The following PPFIBP2 variants were observed in gnomAD, a reference collection of about 807,000 sequenced individuals.
The protein encoded by PPFIBP2 is PPFIB scaffold protein 2.
In PPFIBP2, 118 loss-of-function variants were observed where a neutral mutation model predicts 118.3. The ratio of observed to expected loss-of-function variants is 1.00; its 90% CI spans 0.86 to 1.16. PPFIBP2 has a LOEUF of 1.16. PPFIBP2 is among the 50% of genes most tolerant of loss of function. PPFIBP2 has a pLI of 0.00. For missense variants in PPFIBP2, 1,195 were observed against 1,073.1 expected (o/e 1.11, Z -1.59); for synonymous variants, 414 against 397.4 (o/e 1.04, Z -0.50).
chr11:7,635,321 G>A (rs963819740), intron 13 of PPFIBP2, among the ~76,000 whole-genome samples: 3 of 152,176 alleles, frequency 2.0e-5, no homozygotes, highest in African/African-American at 4.8e-5. Flanking sequence ...CCATGGTCAC[G>A]TGTCTCTCGG....
chr11:7,621,087 A>G (rs1849298370), intron 7 of PPFIBP2, 60 bp downstream of exon 7: 3 of 1,365,636 alleles, frequency 2.2e-6, no homozygotes, highest in South Asian at 1.2e-5. Flanking sequence ...GAGGGTCTGC[A>G]TTCCAACTTG....
Position 7,653,302 on chromosome 11 carries a change from C to T in PPFIBP2, c.*84C>T, listed in dbSNP as rs779813954. 6.3e-7 allele frequency: 1 copy of T among 1,580,454 alleles called. No homozygotes were observed. The highest frequency in any genetic ancestry group is 1.1e-5 in the South Asian group (1 of 87,080). ...ACCATATAACTGCACCTCACCCCCG[C>T]ACGTGTGCATGACTCGCAGAGAATA... On this transcript the variant is annotated 3_prime_UTR_variant, in exon 24 of 24. Transcript: ENST00000299492.
intron 1 of PPFIBP2, among the ~76,000 whole-genome samples, chr11:7,545,566 A>G (rs868791887): frequency 1.3e-5 from 2 of 152,328 alleles, no homozygotes; most frequent in South Asian, 4.1e-4. Context: ...ATTAAACTTC[A>G]TCAGAGGTCT....
chr11:7,656,572 C>T (rs1055962467), downstream of PPFIBP2, among the ~76,000 whole-genome samples: 2 of 152,192 alleles, frequency 1.3e-5, no homozygotes, highest in Non-Finnish European at 2.9e-5. Context: ...TTTATTCTGA[C>T]CCAATACTCA....
chr11:7,519,903 G>C (rs1342005301), intron 1 of PPFIBP2, among the ~76,000 whole-genome samples: 2 of 152,148 alleles, frequency 1.3e-5, no homozygotes, highest in Non-Finnish European at 2.9e-5. Flanking sequence ...GGTTCCCGGG[G>C]AAGCTTACCA....
chr11:7,617,235 G>A lies in PPFIBP2; in HGVS notation c.619-3700G>A, dbSNP rs75292726. ...CCACCCTGAGGAGGTGGCGGCCAGC[G>A]ACGGTGTGGCCGAGCCCCAGCCCTG... On this transcript the variant is annotated intron_variant, in intron 6 of 23. Transcript: ENST00000299492. 5.8e-3 allele frequency: 5,678 copies of A among 985,438 alleles called. 27 individuals are homozygous for A. Among genetic ancestry groups the A allele is most frequent in the Non-Finnish European group, 6.3e-3 (5,269 of 829,928 alleles). The allele number at this position is 985,438 out of a possible 1,614,324, so 61.0% of individuals were successfully genotyped here.
intron 3 of PPFIBP2, chr11:7,568,830 C>T (rs1462682854): frequency 6.6e-6 from 1 of 152,196 alleles, no homozygotes; most frequent in African/African-American, 2.4e-5. Context: ...GCGAAGTCCT[C>T]CAGATCAATG....
intron 8 of PPFIBP2, 21 bp from the exon 9 acceptor site, chr11:7,628,264 T>A: frequency 6.2e-7 from 1 of 1,602,208 alleles, no homozygotes; most frequent in Non-Finnish European, 8.5e-7. Context: ...AATAATTATT[T>A]CTATACCTGA....
At chr11:7,597,945 G>A (rs1403765497) in intron 5 of PPFIBP2, 2 of 367,478 alleles carry the variant, frequency 5.4e-6, no homozygotes, top group Non-Finnish European at 5.0e-6. Flanking sequence ...CTCCAGACCT[G>A]GTGCAGTGAG....
chr11:7,597,854 C>T (rs894491777), intron 5 of PPFIBP2, 181 bp downstream of exon 5: 1 of 578,282 alleles, frequency 1.7e-6, no homozygotes, highest in Non-Finnish European at 3.1e-6. Context: ...TTGAGAGTGG[C>T]AGAGGGGGTA....
intron 3 of PPFIBP2, among the ~76,000 whole-genome samples, chr11:7,583,295 G>A (rs924894511): frequency 2.0e-5 from 3 of 152,060 alleles, no homozygotes; most frequent in Non-Finnish European, 4.4e-5. Flanking sequence ...CCTTACTTTG[G>A]CTCTTGCCTA....
intron 1 of PPFIBP2, among the ~76,000 whole-genome samples, chr11:7,534,962 C>T (rs1851068442): frequency 6.6e-6 from 1 of 152,246 alleles, no homozygotes; most frequent in African/African-American, 2.4e-5. Context: ...TGCATCACTA[C>T]AGGCCCTGAT....
At chr11:7,645,339 T>C (rs956670246) in intron 17 of PPFIBP2, among the ~76,000 whole-genome samples, 4 of 152,146 alleles carry the variant, frequency 2.6e-5, no homozygotes, top group Admixed American at 2.6e-4. Context: ...CTTCCCATTG[T>C]GCCGATTCGC....
At chr11:7,577,352 T>A in intron 3 of PPFIBP2, 1 of 316,956 alleles carries the variant, frequency 3.2e-6, no homozygotes, top group Non-Finnish European at 6.2e-6. Flanking sequence ...TGTGTGTGTG[T>A]TTGTTGGGGT....
At chr11:7,518,926 G>A in intron 1 of PPFIBP2, among the ~76,000 whole-genome samples, 1 of 152,236 alleles carries the variant, frequency 6.6e-6, no homozygotes, top group African/African-American at 2.4e-5. Context: ...AGGGTTTGAA[G>A]GGGAAAGGGG....
chr11:7,648,471 C>A lies in PPFIBP2; in HGVS notation c.1731C>A (p.Ile577=). 3 of 1,614,074 alleles carry A rather than the reference C, an allele frequency of 1.9e-6. No homozygotes were observed. Among genetic ancestry groups the A allele is most frequent in the Non-Finnish European group, 2.5e-6 (3 of 1,180,024 alleles). The part of the protein sequence containing the change: ...LEDFGLAQYV[I]FARQWVSSGH... The stretch of plus-strand genomic sequence containing the variant: ...ACTTTGGCCTGGCTCAGTATGTGAT[C>A]TTTGCCAGGCAGTGGGTATCTTCTG... The change falls in exon 18 of 24, where the codon ATC becomes ATA. Residue 577 remains isoleucine (I), a synonymous_variant. Transcript: ENST00000299492.
At chr11:7,538,074 A>C (rs1387469681) in intron 1 of PPFIBP2, among the ~76,000 whole-genome samples, 1 of 152,154 alleles carries the variant, frequency 6.6e-6, no homozygotes. Flanking sequence ...CATCAAGCAA[A>C]TACGGTGAAG....
Position 7,653,658 on chromosome 11 carries a change from C to T in PPFIBP2, c.*440C>T. ...TCTTGGCTGAGATCAAAGGGATGAG[C>T]AACAGGGACTTCTGCCACAGTGACA... On this transcript the variant is annotated 3_prime_UTR_variant, in exon 24 of 24. Coordinates refer to ENST00000299492, the MANE Select transcript of PPFIBP2 (RefSeq NM_003621.5). The T allele has an allele frequency of 7.7e-7, 1 of 1,291,726 alleles. No individual in the cohort carries two copies. Among genetic ancestry groups the T allele is most frequent in the Non-Finnish European group, 1.0e-6 (1 of 990,716 alleles). 80.0% of individuals were successfully genotyped at this position (1,291,726 alleles called of 1,614,324 possible). A position where few individuals can be genotyped will look rare whatever the true frequency, so the allele number is the denominator to read the frequency against.
chr11:7,604,684 C>T (rs1334156603), intron 5 of PPFIBP2, among the ~76,000 whole-genome samples: 1 of 152,158 alleles, frequency 6.6e-6, no homozygotes, highest in Non-Finnish European at 1.5e-5. Context: ...ACGGAAGTTT[C>T]TTTAGAATGT....
Sources: gnomAD v4.1 joint callset for allele counts (sites outside exome capture counted in the v4.1 genomes callset) on GRCh38, gnomAD v4.1.1 for gene constraint, MANE v1.5 for transcripts, NCBI Gene and HGNC (gene_info 2026-07-23, HGNC 2026-07-21) for gene names.